Variants in SMARCA2 observed in about 807,000 individuals in gnomAD.
SMARCA2 encodes the protein SWI/SNF related BAF chromatin remodeling complex subunit ATPase 2, also known as SWI/SNF-related matrix-associated actin-dependent regulator of chromatin subfamily A member 2.
A neutral mutation model predicts 199.8 loss-of-function variants in SMARCA2; 61 were observed. The observed-to-expected ratio is 0.31, with a 90% CI of 0.25 to 0.38. The LOEUF (loss-of-function observed/expected upper bound fraction) is 0.38. Among genes scored for constraint, SMARCA2 ranks in the 10% least tolerant of loss-of-function variants. SMARCA2 has a pLI of 1.00. For missense variants in SMARCA2, 1,344 were observed against 2,012.2 expected (o/e 0.67, Z 6.35); for synonymous variants, 935 against 732.0 (o/e 1.28, Z -4.48).
intron 21 of SMARCA2, among the ~76,000 whole-genome samples, chr9:2,101,333 C>G (rs781186545): frequency 7.9e-5 from 12 of 151,952 alleles, no homozygotes; most frequent in African/African-American, 1.2e-4. Context: ...GTAAAGTAAC[C>G]CTGTTACCTG....
At position 2,096,708 on chromosome 9, in the gene SMARCA2, C is replaced by G. The variant is rs1306474481; in HGVS notation, c.2935C>G (p.Arg979Gly). The G allele has an allele frequency of 1.9e-6, 3 of 1,613,882 alleles. No individual in the cohort carries two copies. Among genetic ancestry groups the G allele is most frequent in the East Asian group, 2.2e-5 (1 of 44,882 alleles). ...DMSALQKILY[R>G]HMQAKGILLT... is the part of the protein sequence containing the mutation. ...GTCAGCTCTGCAGAAGATTCTGTAT[C>G]GCCATATGCAAGCCAAGGGGATCCT... is the stretch of plus-strand genomic sequence containing the variant. The change falls in exon 20 of 34, where the codon CGC becomes GGC. Residue 979 changes from arginine to glycine, a missense_variant. This residue lies in a region of SMARCA2 where 98 missense variants were observed against 245.6 expected (regional missense o/e 0.40). Transcript: ENST00000349721.
chr9:2,088,353 A>G, intron 18 of SMARCA2, 147 bp from the exon 19 acceptor site: 5 of 809,342 alleles, frequency 6.2e-6, no homozygotes, highest in Non-Finnish European at 8.9e-6. Context: ...AAGATAATTC[A>G]GAGGTAGATA....
rs780944879 is a variant in SMARCA2 at position 2,039,838 on chromosome 9, C to T, written c.728C>T (p.Pro243Leu). The part of the protein sequence containing the change: ...QQQQQQPQQQ[P>L]PQPQTQQQQQ... Reference sequence around the variant, plus strand: ...CAGCAACAGCAGCCGCAGCAGCAGCCGCCGCAACCACAGACGCAGCAACAA... The same window carrying T: ...CAGCAACAGCAGCCGCAGCAGCAGCTGCCGCAACCACAGACGCAGCAACAA... The change falls in exon 4 of 34, where the codon CCG becomes CTG. Residue 243 changes from proline (P) to leucine (L), a missense_variant. Transcript: ENST00000349721. The surrounding 1 kb of genome is among the most constrained non-coding windows in gnomAD (Gnocchi z 4.8). The T allele has an allele frequency of 8.7e-6, 14 of 1,611,982 alleles. No homozygotes were observed. In the African/African-American group the frequency reaches 1.2e-4, roughly 14 times the overall value.
At chr9:2,028,475 C>A (rs941809341) in intron 1 of SMARCA2, among the ~76,000 whole-genome samples, 1 of 152,194 alleles carries the variant, frequency 6.6e-6, no homozygotes, top group African/African-American at 2.4e-5. Flanking sequence ...ATTGGGACTT[C>A]TCTTTCATTC....
chr9:2,034,340 A>G (rs1819222646), intron 3 of SMARCA2, among the ~76,000 whole-genome samples: 1 of 152,134 alleles, frequency 6.6e-6, no homozygotes, highest in South Asian at 2.1e-4. Flanking sequence ...GGGGAACACA[A>G]TTCAACTCAC....
At chr9:2,159,728 CTTTCAGTATTAAAT>C in intron 27 of SMARCA2, 1 of 1,510,842 alleles carries the variant, frequency 6.6e-7, no homozygotes, top group Non-Finnish European at 8.9e-7. Flanking sequence ...ATCCACAATC[CTTTCAGTATTAAAT>C]TTTCAGTAAA....
At chr9:2,034,343 C>A (rs554901657) in intron 3 of SMARCA2, among the ~76,000 whole-genome samples, 6 of 151,348 alleles carry the variant, frequency 4.0e-5, no homozygotes, top group African/African-American at 1.5e-4. Flanking sequence ...GAACACAATT[C>A]AACTCACAAC....
At chr9:2,172,921 C>T (rs998725319) in intron 29 of SMARCA2, among the ~76,000 whole-genome samples, 3 of 151,988 alleles carry the variant, frequency 2.0e-5, no homozygotes, top group Non-Finnish European at 1.5e-5. Flanking sequence ...AAGGATGGAT[C>T]GAAGGAGGCA....
chr9:2,108,524 T>C (rs1176882011), intron 23 of SMARCA2, among the ~76,000 whole-genome samples: 1 of 152,182 alleles, frequency 6.6e-6, no homozygotes, highest in African/African-American at 2.4e-5. Context: ...AGTATAGATG[T>C]ATAGTTTTGT....
chr9:2,182,460 CTTTTCAAAGCTT>C (rs1827105694), intron 31 of SMARCA2, among the ~76,000 whole-genome samples: 1 of 135,514 alleles, frequency 7.4e-6, no homozygotes, highest in Admixed American at 7.4e-5. Context: ...ACTCACACTT[CTTTTCAAAGCTT>C]ATAGTCTTTT....
At position 2,191,319 on chromosome 9, in the gene SMARCA2, G is replaced by A. The variant is rs755047549; in HGVS notation, c.4648G>A (p.Asp1550Asn). The A allele has an allele frequency of 6.2e-7, 1 of 1,614,214 alleles. No homozygotes were observed. The highest frequency in any genetic ancestry group is 8.5e-7 in the Non-Finnish European group (1 of 1,180,038). Residue 1550 changes from aspartate (D) to asparagine (N), a missense_variant, in exon 33 of 34, where the codon GAC becomes AAC. By Grantham distance (23) the Asp-to-Asn change is conservative. Transcript: ENST00000349721. Reference sequence around the variant, plus strand: ...CAATAAAAAAGATGACAAAGGCCGGGACAAAGGGAAAGGCAAGAAAAGGCC... The same window carrying A: ...CAATAAAAAAGATGACAAAGGCCGGAACAAAGGGAAAGGCAAGAAAAGGCC... ...KLNKKDDKGR[D>N]KGKGKKRPNR...
intron 19 of SMARCA2, among the ~76,000 whole-genome samples, chr9:2,094,774 G>C (rs1402284475): frequency 1.3e-5 from 2 of 152,156 alleles, no homozygotes; most frequent in Non-Finnish European, 2.9e-5. Context: ...ATGAGAGAAG[G>C]CTCAGAAAGC....
chr9:2,029,263 C>T lies in SMARCA2; in HGVS notation c.225+16C>T, dbSNP rs2130180023. On this transcript the variant is annotated intron_variant, in intron 2 of 33. Transcript: ENST00000349721. ...AATGCATAAGGTAAGAGTTTGTTCT[C>T]CCATTCAAACTCAACTTCTGATAAG... The T allele has an allele frequency of 6.3e-7, 1 of 1,598,654 alleles. No individual in the cohort carries two copies. Among genetic ancestry groups the T allele is most frequent in the African/African-American group, 1.3e-5 (1 of 74,726 alleles).
At chr9:2,153,159 G>C (rs1427828663) in intron 27 of SMARCA2, among the ~76,000 whole-genome samples, 2 of 152,200 alleles carry the variant, frequency 1.3e-5, no homozygotes, top group African/African-American at 4.8e-5. Flanking sequence ...AAATTTAGGA[G>C]TATGGCAGTT....
Position 2,110,240 on chromosome 9 carries a change from T to A in SMARCA2, c.3293-14T>A, listed in dbSNP as rs1822937827. The A allele has an allele frequency of 1.3e-6, 2 of 1,573,938 alleles. No homozygotes were observed. The highest frequency in any genetic ancestry group is 4.5e-5 in the East Asian group (2 of 44,276). On this transcript the variant is annotated splice_polypyrimidine_tract_variant and intron_variant, in intron 23 of 33. Coordinates refer to ENST00000349721, the MANE Select transcript of SMARCA2 (RefSeq NM_003070.5). This position sits in a 1 kb window ranked among gnomAD's most constrained non-coding sequence, Gnocchi z 4.8. ...AAGAGTTAATTGGCAAATTAATTTT[T>A]CTGATCCCCTCAGGCACCACCAAGT...
At chr9:2,081,735 A>G in intron 14 of SMARCA2, 97 bp from the exon 15 acceptor site, 1 of 1,022,024 alleles carries the variant, frequency 9.8e-7, no homozygotes, top group African/African-American at 1.6e-5. Context: ...AACATACAGC[A>G]GTGAGGAGTT....
chr9:2,111,862 G>A (rs2130585530), intron 24 of SMARCA2, among the ~76,000 whole-genome samples: 1 of 152,146 alleles, frequency 6.6e-6, no homozygotes, highest in South Asian at 2.1e-4. Flanking sequence ...CTCAACTGTG[G>A]GCCCAAACCA....
intron 5 of SMARCA2, among the ~76,000 whole-genome samples, chr9:2,048,886 G>C (rs1297612302): frequency 6.6e-6 from 1 of 152,158 alleles, no homozygotes. Flanking sequence ...ATGTGCAATA[G>C]ACTAATGTGC....
intron 17 of SMARCA2, 48 bp downstream of exon 17, chr9:2,084,244 G>A (rs763567738): frequency 4.2e-6 from 4 of 959,236 alleles, no homozygotes; most frequent in Middle Eastern, 2.1e-4. Flanking sequence ...CCATTGCACT[G>A]GAATGTGAAG....
Sources: allele counts gnomAD v4.1 joint callset (sites outside exome capture counted in the v4.1 genomes callset), GRCh38; gene constraint gnomAD v4.1.1; regional missense constraint gnomAD v4.1.1; non-coding constraint Gnocchi (gnomAD v3.1); transcripts MANE v1.5; gene names NCBI Gene and HGNC (gene_info 2026-07-23, HGNC 2026-07-21).